The following ASB18 variants were observed in gnomAD, a reference collection of about 807,000 sequenced individuals.
ASB18 encodes the protein ankyrin repeat and SOCS box protein 18.
Under a neutral mutation model 33.4 loss-of-function variants are expected in ASB18, and 33 were observed. The ratio of observed to expected loss-of-function variants is 0.99; its 90% CI spans 0.75 to 1.32. The LOEUF is 1.32. ASB18 is among the 40% of genes most tolerant of loss of function. ASB18 has a pLI of 0.00. For missense variants in ASB18, 694 were observed against 655.5 expected, an observed-to-expected ratio of 1.06 and a Z score of -0.64; for synonymous variants, 295 against 307.6, an observed-to-expected ratio of 0.96 and a Z score of 0.43.
intron 4 of ASB18, among the ~76,000 whole-genome samples, chr2:236,198,143 T>C (rs79593518): frequency 0.01 from 1,579 of 152,188 alleles, 25 homozygotes; most frequent in African/African-American, 0.036. Flanking sequence ...TCTCCACAGC[T>C]CCAGACCTAA....
At position 236,196,037 on chromosome 2, in the gene ASB18, G is replaced by A. The variant is rs916692556; in HGVS notation, c.1215+235C>T. ...ACCCTCGCGCTTTTCAGGCCAGCACGGGGCTCTGAGCTCCTTGAGGCCATG... is the reference window on the plus strand; with the variant it reads ...ACCCTCGCGCTTTTCAGGCCAGCACAGGGCTCTGAGCTCCTTGAGGCCATG... On this transcript the variant is annotated intron_variant, in intron 5 of 5. Transcript: ENST00000409749. The surrounding 1 kb of genome is among the most constrained non-coding windows in gnomAD (Gnocchi z 5.6). The A allele has an allele frequency of 1.5e-5, 8 of 541,302 alleles. No homozygotes were observed. The highest frequency in any genetic ancestry group is 6.1e-5 in the South Asian group (3 of 49,448). 33.5% of individuals were successfully genotyped at this position (541,302 alleles called of 1,614,324 possible).
rs966747303 is a variant in ASB18 at position 236,217,688 on chromosome 2, C to T, written c.597-2822G>A. ...CCCTTAAATCCATTTATATTTTTACCTAGAGGCTCTCAGTATTTTAAATTC... is the reference window on the plus strand; with the variant it reads ...CCCTTAAATCCATTTATATTTTTACTTAGAGGCTCTCAGTATTTTAAATTC... On this transcript the variant is annotated intron_variant, in intron 3 of 5. Coordinates refer to ENST00000409749, the MANE Select transcript of ASB18 (RefSeq NM_212556.4). This position sits in a 1 kb window ranked among gnomAD's most constrained non-coding sequence, Gnocchi z 5.2. Among the ~76,000 whole-genome samples, 2 of 152,090 alleles carry T rather than the reference C, an allele frequency of 1.3e-5. No homozygotes were observed. Among genetic ancestry groups the T allele is most frequent in the Admixed American group, 1.3e-4 (2 of 15,264 alleles).
Position 236,211,300 on chromosome 2 carries a change from C to T in ASB18, c.1101+3062G>A, listed in dbSNP as rs73115949. 0.018 allele frequency among the ~76,000 whole-genome samples: 2,718 copies of T among 152,284 alleles called. 83 individuals are homozygous for T. The highest frequency in any genetic ancestry group is 0.062 in the African/African-American group (2,557 of 41,552). On this transcript the variant is annotated intron_variant, in intron 4 of 5. Transcript: ENST00000409749. This position sits in a 1 kb window ranked among gnomAD's most constrained non-coding sequence, Gnocchi z 5.0. The stretch of plus-strand genomic sequence containing the variant: ...TGTCCCTGCCCCCAGTGTTAACTAG[C>T]GGTCAGCCAGGCAGAAAGGCCTGGC...
chr2:236,264,136 G>C lies in ASB18; in HGVS notation c.205+5C>G. On this transcript the variant is annotated splice_donor_5th_base_variant and intron_variant, in intron 1 of 5. Transcript: ENST00000409749. The surrounding 1 kb of genome is among the most constrained non-coding windows in gnomAD (Gnocchi z 5.1). ...TCCCAGATGCAGCAGGCTCGTTCTG[G>C]TTACCTAGCAGCATGCCGGTGGGCA... 1 of 1,613,356 alleles carries C rather than the reference G, an allele frequency of 6.2e-7. No homozygotes were observed. The highest frequency in any genetic ancestry group is 2.2e-5 in the East Asian group (1 of 44,872).
At chr2:236,240,703 T>C (rs951997711) in intron 2 of ASB18, among the ~76,000 whole-genome samples, 3 of 152,188 alleles carry the variant, frequency 2.0e-5, no homozygotes, top group African/African-American at 7.2e-5. Flanking sequence ...ACAGTGACCA[T>C]GTTCAGGCAG....
In ASB18 at chr2:236,260,257, A is replaced by G. The variant is rs531319354; in HGVS notation, c.205+3884T>C. Among the ~76,000 whole-genome samples the G allele has an allele frequency of 8.5e-5, 13 of 152,280 alleles. No individual in the cohort carries two copies. The highest frequency in any genetic ancestry group is 3.1e-4 in the African/African-American group (13 of 41,546). ...CTTTCCCCCAGGTACTTTTGCCAAC[A>G]TGACCCTCGACTCTTGCCTTCTCCT... On this transcript the variant is annotated intron_variant, in intron 1 of 5. Transcript: ENST00000409749. The surrounding 1 kb of genome is among the most constrained non-coding windows in gnomAD (Gnocchi z 5.1).
In ASB18 at chr2:236,214,095, GTC is replaced by G. The variant is rs991233177; in HGVS notation, c.1101+265_1101+266del. 15 of 482,332 alleles carry G rather than the reference GTC, an allele frequency of 3.1e-5. No homozygotes were observed. Among genetic ancestry groups the G allele is most frequent in the Non-Finnish European group, 5.1e-5 (14 of 275,022 alleles). The allele number at this position is 482,332 out of a possible 1,614,324, so 29.9% of individuals were successfully genotyped here. The stretch of plus-strand genomic sequence containing the variant: ...ATTCTTCACATGCAACCCCTTAATT[GTC>G]TCGTGGCTCTAACCAGAAGGCTTCT... On this transcript the variant is annotated intron_variant, in intron 4 of 5. Transcript: ENST00000409749. This position sits in a 1 kb window ranked among gnomAD's most constrained non-coding sequence, Gnocchi z 6.5.
chr2:236,263,043 G>A lies in ASB18; in HGVS notation c.205+1098C>T, dbSNP rs548363266. The stretch of plus-strand genomic sequence containing the variant: ...ATGTGATGCATGTACTTGCGTGTGC[G>A]TGTGTGCACCTATGTTGGGAGGGAG... On this transcript the variant is annotated intron_variant, in intron 1 of 5. Transcript: ENST00000409749. This position sits in a 1 kb window ranked among gnomAD's most constrained non-coding sequence, Gnocchi z 4.0. Among the ~76,000 whole-genome samples the A allele has an allele frequency of 3.3e-5, 5 of 152,284 alleles. No homozygotes were observed. The highest frequency in any genetic ancestry group is 4.8e-5 in the African/African-American group (2 of 41,580).
At chr2:236,199,519 TA>T (rs528053875) in intron 4 of ASB18, among the ~76,000 whole-genome samples, 197 of 149,816 alleles carry the variant, frequency 1.3e-3, no homozygotes, top group African/African-American at 4.6e-3. Flanking sequence ...ATATTATATA[TA>T]AAAATATAAA....
Position 236,204,660 on chromosome 2 carries a change from T to C in ASB18, c.1102-8275A>G, listed in dbSNP as rs2060424447. Among the ~76,000 whole-genome samples, 1 of 152,176 alleles carries C rather than the reference T, an allele frequency of 6.6e-6. No homozygotes were observed. Among genetic ancestry groups the C allele is most frequent in the African/African-American group, 2.4e-5 (1 of 41,430 alleles). ...CAACATACCAAAAACTGAACTCCCT[T>C]GTTCACCAGGTCCCAACCTGCTGTG... On this transcript the variant is annotated intron_variant, in intron 4 of 5. Coordinates refer to ENST00000409749, the MANE Select transcript of ASB18 (RefSeq NM_212556.4). This position sits in a 1 kb window ranked among gnomAD's most constrained non-coding sequence, Gnocchi z 5.1.
chr2:236,214,375 T>C lies in ASB18; in HGVS notation c.1088A>G (p.Asp363Gly). 6.3e-7 allele frequency: 1 copy of C among 1,575,826 alleles called. No homozygotes were observed. Among genetic ancestry groups the C allele is most frequent in the Non-Finnish European group, 8.6e-7 (1 of 1,164,960 alleles). The part of the protein sequence containing the change: ...LNHGSPTVWP[D>G]AFPKVLKTCA... Reference sequence around the variant, plus strand: ...ATCCTGCCTTACCTTGGGGAAGGCGTCGGGCCACACGGTGGGAGAGCCGTG... The same window carrying C: ...ATCCTGCCTTACCTTGGGGAAGGCGCCGGGCCACACGGTGGGAGAGCCGTG... The change falls in exon 4 of 6, where the codon GAC becomes GGC. Residue 363 changes from aspartate to glycine, a missense_variant. Asp to Gly is a moderately conservative substitution (Grantham distance 94). Coordinates refer to ENST00000409749, the MANE Select transcript of ASB18 (RefSeq NM_212556.4). The surrounding 1 kb of genome is among the most constrained non-coding windows in gnomAD (Gnocchi z 6.5).
In ASB18 at chr2:236,214,845, C is replaced by T; in HGVS notation, c.618G>A (p.Glu206=). 3 of 1,212,670 alleles carry T rather than the reference C, an allele frequency of 2.5e-6. No homozygotes were observed. The highest frequency in any genetic ancestry group is 3.9e-5 in the South Asian group (1 of 25,788). The allele number at this position is 1,212,670 out of a possible 1,614,324, so 75.1% of individuals were successfully genotyped here. ...CCACGCGCTGCACCGAGGCCCCGTG[C>T]TCCAGCAGCGCCTGCGCGCACCTGT... ...ASLGCAQALL[E]HGASVQRVGG... is the part of the protein sequence containing the mutation. Residue 206 remains glutamate (E), a synonymous_variant, in exon 4 of 6, where the codon GAG becomes GAA. Coordinates refer to ENST00000409749, the MANE Select transcript of ASB18 (RefSeq NM_212556.4). The surrounding 1 kb of genome is among the most constrained non-coding windows in gnomAD (Gnocchi z 6.5).
At chr2:236,218,974 A>G (rs1466708429) in intron 3 of ASB18, among the ~76,000 whole-genome samples, 2 of 151,792 alleles carry the variant, frequency 1.3e-5, no homozygotes, top group East Asian at 1.9e-4. Flanking sequence ...GGCTCCAGCA[A>G]TCCTCCTGCC....
chr2:236,202,303 G>C (rs2060406875), intron 4 of ASB18, among the ~76,000 whole-genome samples: 1 of 148,080 alleles, frequency 6.8e-6, no homozygotes, highest in Admixed American at 6.7e-5. Flanking sequence ...GTATTTGAGA[G>C]TCTGTGTTGG....
chr2:236,237,802 G>A lies in ASB18; in HGVS notation c.483C>T (p.Leu161=). The A allele has an allele frequency of 2.1e-6, 3 of 1,426,460 alleles. No individual in the cohort carries two copies. Among genetic ancestry groups the A allele is most frequent in the Non-Finnish European group, 2.7e-6 (3 of 1,095,392 alleles). 88.4% of individuals were successfully genotyped at this position (1,426,460 alleles called of 1,614,324 possible). A position where few individuals can be genotyped will look rare whatever the true frequency, so the allele number is the denominator to read the frequency against. Residue 161 remains leucine, a synonymous_variant, in exon 3 of 6, where the codon CTC becomes CTT. Coordinates refer to ENST00000409749, the MANE Select transcript of ASB18 (RefSeq NM_212556.4). This position sits in a 1 kb window ranked among gnomAD's most constrained non-coding sequence, Gnocchi z 6.2. ...GGRGALHEAC[L]GGHTACVRLL... is the part of the protein sequence containing the mutation. ...GGCGGACGCAGGCGGTGTGGCCCCCGAGGCAGGCCTCGTGCAGGGCGCCGC... is the reference window on the plus strand; with the variant it reads ...GGCGGACGCAGGCGGTGTGGCCCCCAAGGCAGGCCTCGTGCAGGGCGCCGC...
rs1210100513 is a variant in ASB18 at position 236,205,383 on chromosome 2, G to A, written c.1101+8979C>T. Among the ~76,000 whole-genome samples the A allele has an allele frequency of 6.6e-6, 1 of 152,226 alleles. No homozygotes were observed. The highest frequency in any genetic ancestry group is 1.5e-5 in the Non-Finnish European group (1 of 68,046). ...TCCTCTGCTGGGCTGCTCTTCCCCA[G>A]ACATCCACACAGTGGGTCCCTCACA... On this transcript the variant is annotated intron_variant, in intron 4 of 5. Coordinates refer to ENST00000409749, the MANE Select transcript of ASB18 (RefSeq NM_212556.4). The surrounding 1 kb of genome is among the most constrained non-coding windows in gnomAD (Gnocchi z 5.4).
Position 236,237,899 on chromosome 2 carries a change from G to T in ASB18, c.386C>A (p.Ala129Asp). 6.7e-7 allele frequency: 1 copy of T among 1,501,362 alleles called. No individual in the cohort carries two copies. The highest frequency in any genetic ancestry group is 8.8e-7 in the Non-Finnish European group (1 of 1,132,026). The allele number at this position is 1,501,362 out of a possible 1,614,324, so 93.0% of individuals were successfully genotyped here. ...TCGCACGCAGGCGGTGTGGCCGTGG[G>T]CCGCGGCGATGCACAGGGGCGTGGT... is the stretch of plus-strand genomic sequence containing the variant. ...ELTTPLCIAA[A>D]HGHTACVRHL... The change falls in exon 3 of 6, where the codon GCC becomes GAC. Residue 129 changes from alanine to aspartate, a missense_variant. By Grantham distance (126) the Ala-to-Asp change is moderately radical. Coordinates refer to ENST00000409749, the MANE Select transcript of ASB18 (RefSeq NM_212556.4). This position sits in a 1 kb window ranked among gnomAD's most constrained non-coding sequence, Gnocchi z 6.2.
In ASB18 at chr2:236,250,312, C is replaced by G. The variant is rs1163204889; in HGVS notation, c.206-8910G>C. On this transcript the variant is annotated intron_variant, in intron 1 of 5. Transcript: ENST00000409749. The surrounding 1 kb of genome is among the most constrained non-coding windows in gnomAD (Gnocchi z 4.1). Reference sequence around the variant, plus strand: ...GGCCACAACTTTCCATGCCTTCAAGCCAAGAGGTAGAATTTTTGAGGCTGC... The same window carrying G: ...GGCCACAACTTTCCATGCCTTCAAGGCAAGAGGTAGAATTTTTGAGGCTGC... 2.0e-5 allele frequency: 3 copies of G among 152,192 alleles called. No individual in the cohort carries two copies. Among genetic ancestry groups the G allele is most frequent in the Admixed American group, 6.5e-5 (1 of 15,278 alleles). The allele number at this position is 152,192 out of a possible 1,614,324, so 9.4% of individuals were successfully genotyped here.
rs1036879244 is a variant in ASB18, at chr2:236,209,665, C to T, written c.1101+4697G>A. Among the ~76,000 whole-genome samples the T allele has an allele frequency of 2.0e-5, 3 of 152,196 alleles. No homozygotes were observed. The highest frequency in any genetic ancestry group is 4.4e-5 in the Non-Finnish European group (3 of 68,036). ...GCCTGTGGTTTCCATCAGCCCCCTACCTGGTGTGTTCTCTACGTCGAGCTT... is the reference window on the plus strand; with the variant it reads ...GCCTGTGGTTTCCATCAGCCCCCTATCTGGTGTGTTCTCTACGTCGAGCTT... On this transcript the variant is annotated intron_variant, in intron 4 of 5. Coordinates refer to ENST00000409749, the MANE Select transcript of ASB18 (RefSeq NM_212556.4). This position sits in a 1 kb window ranked among gnomAD's most constrained non-coding sequence, Gnocchi z 4.4.
Sources: gnomAD v4.1 joint callset for allele counts (sites outside exome capture counted in the v4.1 genomes callset) on GRCh38, gnomAD v4.1.1 for gene constraint, Gnocchi (gnomAD v3.1) non-coding constraint, MANE v1.5 for transcripts, NCBI Gene and HGNC (gene_info 2026-07-23, HGNC 2026-07-21) for gene names.